The following ZSWIM7 variants were observed in gnomAD, a reference collection of about 807,000 sequenced individuals.
The protein encoded by ZSWIM7 is zinc finger SWIM-type containing 7.
A neutral mutation model predicts 21.1 loss-of-function variants in ZSWIM7; 22 were observed. The observed-to-expected ratio is 1.04, with a 90% CI of 0.74 to 1.49. The LOEUF (loss-of-function observed/expected upper bound fraction) is 1.49, where lower values mean the gene tolerates loss of function less well. ZSWIM7 is among the 40% of genes most tolerant of loss of function. ZSWIM7 has a pLI of 0.00. For missense variants in ZSWIM7, 193 were observed against 168.0 expected, an observed-to-expected ratio of 1.15 and a Z score of -0.82; for synonymous variants, 67 against 66.5, an observed-to-expected ratio of 1.01 and a Z score of -0.04.
At chr17:15,999,191 C>G (rs890605761) in intron 1 of ZSWIM7, among the ~76,000 whole-genome samples, 5 of 152,176 alleles carry the variant, frequency 3.3e-5, no homozygotes, top group African/African-American at 9.7e-5. Context: ...GGCTCCCGTC[C>G]CTTCCACCCC....
At chr17:15,981,361 G>A (rs558197992) in intron 3 of ZSWIM7, among the ~76,000 whole-genome samples, 224 of 151,916 alleles carry the variant, frequency 1.5e-3, no homozygotes, top group African/African-American at 4.2e-3. Context: ...GCATATAAAG[G>A]AACTGAAGAG....
intron 2 of ZSWIM7, among the ~76,000 whole-genome samples, chr17:15,992,106 T>C (rs1176886101): frequency 6.6e-6 from 1 of 152,012 alleles, no homozygotes; most frequent in Non-Finnish European, 1.5e-5. Context: ...TTTGTATTTT[T>C]AGTAGAGACG....
At chr17:15,987,234 T>C (rs1361467728) in intron 3 of ZSWIM7, 32 bp downstream of exon 3, 8 of 1,559,442 alleles carry the variant, frequency 5.1e-6, no homozygotes, top group Non-Finnish European at 6.1e-6. Context: ...AAGGGGTTTC[T>C]GTAGGGATCA....
At chr17:15,989,803 T>G (rs1034930505) in intron 2 of ZSWIM7, among the ~76,000 whole-genome samples, 1 of 152,072 alleles carries the variant, frequency 6.6e-6, no homozygotes, top group Non-Finnish European at 1.5e-5. Context: ...CCAGTTAATT[T>G]TTTGATTTTG....
chr17:15,993,757 G>T lies in ZSWIM7; in HGVS notation c.98C>A (p.Ser33Ter). ...SARIPDEYLL[S>*]LKFLFGSSAT... ...CAAATACAACAGTATATGTACTTAC[G>T]ATAACAGATATTCATCAGGAACTGT... Residue 33 changes from serine (S) to a stop codon, truncating the protein, a stop_gained and splice_region_variant, in exon 2 of 5, where the codon TCG becomes TAG. Coordinates refer to ENST00000399277, the MANE Select transcript of ZSWIM7 (RefSeq NM_001042697.2). LOFTEE classifies it high-confidence loss of function. 6.7e-7 allele frequency: 1 copy of T among 1,495,086 alleles called. No homozygotes were observed. Among genetic ancestry groups the T allele is most frequent in the South Asian group, 1.1e-5 (1 of 87,722 alleles). 92.6% of individuals were successfully genotyped at this position (1,495,086 alleles called of 1,614,324 possible). A position where few individuals can be genotyped will look rare whatever the true frequency, so the allele number is the denominator to read the frequency against.
At chr17:15,993,043 T>C (rs1970505302) in intron 2 of ZSWIM7, among the ~76,000 whole-genome samples, 1 of 151,704 alleles carries the variant, frequency 6.6e-6, no homozygotes, top group Non-Finnish European at 1.5e-5. Flanking sequence ...CACATCCCAC[T>C]ACTTTTGTAT....
At chr17:15,993,823 T>C (rs768620656) in intron 1 of ZSWIM7, 45 bp from the exon 2 acceptor site, 19 of 1,407,412 alleles carry the variant, frequency 1.3e-5, no homozygotes, top group Admixed American at 4.2e-5. Flanking sequence ...TATTAAGCAG[T>C]GACCATTGAC....
chr17:15,987,158 T>C (rs1970422399), intron 3 of ZSWIM7, 108 bp downstream of exon 3: 1 of 867,340 alleles, frequency 1.2e-6, no homozygotes, highest in Non-Finnish European at 1.7e-6. Context: ...CAAAAGCCTT[T>C]TAACAGTCCA....
chr17:15,983,314 C>T (rs1241048132), intron 3 of ZSWIM7, among the ~76,000 whole-genome samples: 1 of 125,310 alleles, frequency 8.0e-6, no homozygotes, highest in Admixed American at 1.0e-4. Context: ...CACTGTACTC[C>T]AGCCTGGGTG....
At chr17:15,981,817 G>C (rs1002432050) in intron 3 of ZSWIM7, among the ~76,000 whole-genome samples, 4 of 152,206 alleles carry the variant, frequency 2.6e-5, no homozygotes, top group Non-Finnish European at 4.4e-5. Flanking sequence ...TCAGGAGGCT[G>C]AGAAGGGAGG....
At chr17:15,983,001 T>C (rs776743838) in intron 3 of ZSWIM7, among the ~76,000 whole-genome samples, 3 of 152,110 alleles carry the variant, frequency 2.0e-5, no homozygotes, top group African/African-American at 4.8e-5. Flanking sequence ...GATTTTAGGT[T>C]ACCAGAAATA....
At chr17:15,981,171 G>A in intron 3 of ZSWIM7, 27 bp from the exon 4 acceptor site, 2 of 1,564,368 alleles carry the variant, frequency 1.3e-6, no homozygotes, top group Non-Finnish European at 1.8e-6. Flanking sequence ...GATGGGATCA[G>A]ACCTCAGATG....
chr17:15,984,845 T>G (rs957201011), intron 3 of ZSWIM7, among the ~76,000 whole-genome samples: 1 of 152,240 alleles, frequency 6.6e-6, no homozygotes, highest in Non-Finnish European at 1.5e-5. Context: ...GATCCCTGCA[T>G]GAAGCTGTTT....
chr17:15,996,927 G>A (rs997746926), intron 1 of ZSWIM7, among the ~76,000 whole-genome samples: 1 of 151,942 alleles, frequency 6.6e-6, no homozygotes, highest in Non-Finnish European at 1.5e-5. Flanking sequence ...GGGAAGCCAA[G>A]GCAGGTGGAC....
At chr17:15,998,689 C>G (rs1181516592) in intron 1 of ZSWIM7, among the ~76,000 whole-genome samples, 1 of 151,720 alleles carries the variant, frequency 6.6e-6, no homozygotes, top group Non-Finnish European at 1.5e-5. Context: ...AAAAATGGTG[C>G]TTTCACAATA....
At chr17:15,982,316 A>G (rs1970365158) in intron 3 of ZSWIM7, among the ~76,000 whole-genome samples, 1 of 152,148 alleles carries the variant, frequency 6.6e-6, no homozygotes, top group African/African-American at 2.4e-5. Flanking sequence ...TCCCACCTGG[A>G]GGCGTAAGAT....
chr17:15,997,298 C>T (rs1161674659), intron 1 of ZSWIM7, among the ~76,000 whole-genome samples: 1 of 152,070 alleles, frequency 6.6e-6, no homozygotes. Context: ...TCAGCCAGTC[C>T]ATATTAAGCA....
At chr17:15,978,363 T>TG (rs1441312786) in intron 4 of ZSWIM7, among the ~76,000 whole-genome samples, 200 bp from the exon 5 acceptor site, 1 of 152,122 alleles carries the variant, frequency 6.6e-6, no homozygotes, top group African/African-American at 2.4e-5. Context: ...TTTGGGAGGC[T>TG]GAGGCGGATG....
At chr17:15,987,020 G>A (rs927906333) in intron 3 of ZSWIM7, 1 of 311,498 alleles carries the variant, frequency 3.2e-6, no homozygotes, top group African/African-American at 2.2e-5. Context: ...GCTTGATTTA[G>A]TTATTCTACA....
Sources: gnomAD v4.1 joint callset for allele counts (sites outside exome capture counted in the v4.1 genomes callset) on GRCh38, gnomAD v4.1.1 for gene constraint, MANE v1.5 for transcripts, NCBI Gene and HGNC (gene_info 2026-07-23, HGNC 2026-07-21) for gene names.